Variants in XRCC5 observed in about 807,000 individuals in gnomAD.
XRCC5 encodes the protein DNA repair protein Ku80.
XRCC5 carries 12 observed loss-of-function variants against 95.7 expected under a neutral mutation model. The observed-to-expected ratio is 0.13, with a 90% CI of 0.08 to 0.20. The LOEUF is 0.20. XRCC5 is among the 10% of genes least tolerant of loss of function. XRCC5 has a pLI of 1.00. For missense variants in XRCC5, 595 were observed against 873.9 expected (o/e 0.68, Z 4.02); for synonymous variants, 281 against 290.3 (o/e 0.97, Z 0.33).
At chr2:216,154,268 C>T (rs1400767697) in intron 14 of XRCC5, among the ~76,000 whole-genome samples, 1 of 152,164 alleles carries the variant, frequency 6.6e-6, no homozygotes, top group African/African-American at 2.4e-5. Context: ...TAGTTCTTTC[C>T]CTTTACTGTG....
intron 19 of XRCC5, among the ~76,000 whole-genome samples, chr2:216,196,229 A>AAAAAACTTGTCATCCCTACTTTCAGGG (rs1689717621): frequency 6.6e-6 from 1 of 152,228 alleles, no homozygotes; most frequent in East Asian, 1.9e-4. Flanking sequence ...AAAAAAAAAA[A>AAAAAACTTGTCATCCCTACTTTCAGGG]AAAAACTTGT....
chr2:216,151,471 A>T (rs1252716401), intron 14 of XRCC5, among the ~76,000 whole-genome samples: 1 of 152,216 alleles, frequency 6.6e-6, no homozygotes, highest in Non-Finnish European at 1.5e-5. Context: ...CTCTCAGCAG[A>T]CATCCTCACT....
Position 216,190,278 on chromosome 2 carries a change from C to A in XRCC5, c.1888C>A (p.Pro630Thr). 1 of 1,614,004 alleles carries A rather than the reference C, an allele frequency of 6.2e-7. No homozygotes were observed. Among genetic ancestry groups the A allele is most frequent in the Non-Finnish European group, 8.5e-7 (1 of 1,179,948 alleles). The change falls in exon 17 of 21, where the codon CCG (proline) becomes ACG (threonine). Residue 630 changes from proline (P) to threonine (T), a missense_variant. Physicochemically the swap from Pro to Thr is conservative, Grantham distance 38. Transcript: ENST00000392132. Reference protein sequence around the residue: ...IEQFLDTNETPYFMKSIDCIR... With the variant: ...IEQFLDTNETTYFMKSIDCIR... The stretch of plus-strand genomic sequence containing the variant: ...ACAGTTTTTGGATACTAATGAAACA[C>A]CGTATTTTATGAAGAGCATAGACTG...
At chr2:216,196,472 A>G (rs1689722860) in intron 19 of XRCC5, among the ~76,000 whole-genome samples, 1 of 152,194 alleles carries the variant, frequency 6.6e-6, no homozygotes, top group Admixed American at 6.5e-5. Flanking sequence ...AAGGTTCTCC[A>G]GAGAAACAGA....
At chr2:216,141,955 G>A (rs114506104) in intron 13 of XRCC5, among the ~76,000 whole-genome samples, 1,780 of 152,192 alleles carry the variant, frequency 0.012, 41 homozygotes, top group African/African-American at 0.041. Flanking sequence ...TCAGGAGGCT[G>A]AAGTGGGAGA....
intron 16 of XRCC5, among the ~76,000 whole-genome samples, chr2:216,184,294 CAA>C (rs1366025606): frequency 2.0e-5 from 3 of 152,036 alleles, no homozygotes; most frequent in African/African-American, 4.8e-5. Flanking sequence ...GAAGTGAAAA[CAA>C]TATTTTTTTA....
intron 16 of XRCC5, among the ~76,000 whole-genome samples, chr2:216,170,314 T>G (rs570422456): frequency 4.0e-4 from 61 of 152,234 alleles, no homozygotes; most frequent in African/African-American, 1.5e-3. Context: ...TTGCTTCCCT[T>G]AAATGTGCTG....
intron 10 of XRCC5, among the ~76,000 whole-genome samples, chr2:216,132,744 T>G (rs1039246326): frequency 3.3e-5 from 5 of 152,202 alleles, no homozygotes; most frequent in African/African-American, 1.2e-4. Flanking sequence ...CTTTTGTCAT[T>G]GAGGAAATGT....
At chr2:216,185,934 T>C (rs1689485227) in intron 16 of XRCC5, among the ~76,000 whole-genome samples, 1 of 152,224 alleles carries the variant, frequency 6.6e-6, no homozygotes, top group South Asian at 2.1e-4. Context: ...CATAAATTTG[T>C]TCTTAACATT....
chr2:216,170,543 C>G (rs1311785928), intron 16 of XRCC5, among the ~76,000 whole-genome samples: 1 of 152,118 alleles, frequency 6.6e-6, no homozygotes, highest in Non-Finnish European at 1.5e-5. Flanking sequence ...AAAGAACTCA[C>G]TGTCACAAGA....
intron 16 of XRCC5, among the ~76,000 whole-genome samples, chr2:216,170,673 T>G (rs1689147779): frequency 6.6e-6 from 1 of 152,204 alleles, no homozygotes; most frequent in Non-Finnish European, 1.5e-5. Context: ...CTTGCATCAA[T>G]GACTTGGGCC....
chr2:216,204,069 T>C, intron 19 of XRCC5: 1 of 489,240 alleles, frequency 2.0e-6, no homozygotes, highest in Non-Finnish European at 3.8e-6. Context: ...ACAAGCCATG[T>C]TCTTTCCTCC....
rs557739918 is a variant in XRCC5 at position 216,166,544 on chromosome 2, G to C, written c.1834+4496G>C. On this transcript the variant is annotated intron_variant, in intron 16 of 20. Coordinates refer to ENST00000392132, the MANE Select transcript of XRCC5 (RefSeq NM_021141.4). The stretch of plus-strand genomic sequence containing the variant: ...TGCCATCATCTGGGATTTGTTACCT[G>C]TCGTTGTGGGTTTCAGAGTCTCCAG... Among the ~76,000 whole-genome samples the C allele has an allele frequency of 5.3e-5, 8 of 152,234 alleles. 2 individuals are homozygous for C. Among genetic ancestry groups the C allele is most frequent in the African/African-American group, 1.9e-4 (8 of 41,548 alleles).
intron 19 of XRCC5, among the ~76,000 whole-genome samples, chr2:216,197,970 A>G (rs1007814365): frequency 4.3e-4 from 66 of 152,206 alleles, no homozygotes; most frequent in African/African-American, 1.5e-3. Context: ...AGAAAATAAG[A>G]GTAGTAGAAT....
Position 216,109,467 on chromosome 2 carries a change from A to G in XRCC5, c.21+10A>G. On this transcript the variant is annotated intron_variant, in intron 1 of 20. Transcript: ENST00000392132. ...GCGGTCGGGGAATAAGGTATAAAGAAAGCCATGGACTTGGGCTTTACCCGG... is the reference window on the plus strand; with the variant it reads ...GCGGTCGGGGAATAAGGTATAAAGAGAGCCATGGACTTGGGCTTTACCCGG... 6.2e-7 allele frequency: 1 copy of G among 1,613,900 alleles called. No individual in the cohort carries two copies. The highest frequency in any genetic ancestry group is 8.5e-7 in the Non-Finnish European group (1 of 1,179,878).
intron 16 of XRCC5, chr2:216,175,663 G>GTTA: frequency 4.8e-6 from 2 of 414,976 alleles, no homozygotes; most frequent in Non-Finnish European, 9.2e-6. Context: ...ACTGTTAGGT[G>GTTA]GGCACCAGGC....
At chr2:216,160,966 T>TA (rs1688941457) in intron 15 of XRCC5, among the ~76,000 whole-genome samples, 1 of 152,102 alleles carries the variant, frequency 6.6e-6, no homozygotes, top group South Asian at 2.1e-4. Context: ...AGCACTGGGA[T>TA]TATAGTCATG....
chr2:216,157,372 T>C (rs1007522079), intron 14 of XRCC5, among the ~76,000 whole-genome samples: 4 of 152,258 alleles, frequency 2.6e-5, no homozygotes, highest in Admixed American at 1.3e-4. Flanking sequence ...TAGCTGGGAC[T>C]ACAGGTGCCC....
chr2:216,182,614 A>G (rs552703991), intron 16 of XRCC5, among the ~76,000 whole-genome samples: 16 of 152,308 alleles, frequency 1.1e-4, no homozygotes, highest in African/African-American at 3.6e-4. Flanking sequence ...TCTTTCAGGC[A>G]TATGGCATAT....
Sources: allele counts gnomAD v4.1 joint callset (sites outside exome capture counted in the v4.1 genomes callset), GRCh38; gene constraint gnomAD v4.1.1; transcripts MANE v1.5; gene names NCBI Gene and HGNC (gene_info 2026-07-23, HGNC 2026-07-21).